The following GOLGA3 variants were observed in gnomAD, a reference collection of about 807,000 sequenced individuals.
The protein encoded by GOLGA3 is golgin A3.
In GOLGA3, 75 loss-of-function variants were observed where a neutral mutation model predicts 169.4. That is an observed-to-expected ratio of 0.44 (90% CI 0.37 to 0.54). GOLGA3 has a LOEUF of 0.54. Ranked by LOEUF, GOLGA3 falls within the 20% of genes least tolerant of loss-of-function variation. The pLI is 0.00. For missense variants in GOLGA3, 1,899 were observed against 1,930.0 expected (o/e 0.98, Z 0.30); for synonymous variants, 824 against 822.4 (o/e 1.00, Z -0.03).
chr12:132,828,437 C>G (rs1354058799), intron 1 of GOLGA3: 3 of 152,366 alleles, frequency 2.0e-5, no homozygotes, highest in Non-Finnish European at 4.4e-5. Flanking sequence ...CGACTTCCCA[C>G]GAACCACCCG....
Position 132,775,237 on chromosome 12 carries a change from G to T in GOLGA3, c.4047C>A (p.Leu1349=). The change falls in exon 22 of 24, where the codon CTC becomes CTA. Residue 1349 remains leucine, a synonymous_variant. Transcript: ENST00000450791. The part of the protein sequence containing the change: ...LSMTQKDKFM[L]QAKVSELKNN... The stretch of plus-strand genomic sequence containing the variant: ...TCTTCAGCTCCGACACTTTTGCCTG[G>T]AGCATAAATTTATCCTTCTGGGTCA... The T allele has an allele frequency of 1.2e-6, 2 of 1,614,006 alleles. No individual in the cohort carries two copies. Among genetic ancestry groups the T allele is most frequent in the Non-Finnish European group, 1.7e-6 (2 of 1,179,834 alleles).
At chr12:132,784,876 ACT>A in intron 15 of GOLGA3, among the ~76,000 whole-genome samples, 1 of 151,386 alleles carries the variant, frequency 6.6e-6, no homozygotes, top group East Asian at 2.0e-4. Flanking sequence ...GCACACAAAC[ACT>A]CCACACGCTG....
intron 23 of GOLGA3, among the ~76,000 whole-genome samples, chr12:132,773,534 T>G (rs1410295136): frequency 3.3e-5 from 5 of 152,220 alleles, no homozygotes; most frequent in African/African-American, 9.6e-5. Context: ...CACTGAGGCC[T>G]GGCACACACG....
At chr12:132,807,420 TAG>T (rs1356851898) in intron 5 of GOLGA3, 132 bp from the exon 6 acceptor site, 3 of 541,150 alleles carry the variant, frequency 5.5e-6, no homozygotes, top group Non-Finnish European at 9.8e-6. Flanking sequence ...GAGATTTAAG[TAG>T]AGAGCTGAGG....
intron 1 of GOLGA3, chr12:132,825,557 T>C: frequency 3.3e-6 from 2 of 608,888 alleles, no homozygotes; most frequent in African/African-American, 1.9e-5. Context: ...GATTAAGTAT[T>C]TGAATCCTGG....
intron 11 of GOLGA3, among the ~76,000 whole-genome samples, chr12:132,795,604 T>C (rs1327598205): frequency 6.6e-6 from 1 of 152,030 alleles, no homozygotes; most frequent in Non-Finnish European, 1.5e-5. Context: ...CTACTACAAA[T>C]ACAAAAATTA....
chr12:132,799,463 C>A lies in GOLGA3; in HGVS notation c.1801-986G>T, dbSNP rs116873997. Among the ~76,000 whole-genome samples the A allele has an allele frequency of 1.3e-4, 20 of 152,278 alleles. 1 individual carries two copies. In the East Asian group the frequency reaches 3.9e-3, roughly 29 times the overall value. On this transcript the variant is annotated intron_variant, in intron 8 of 23. Transcript: ENST00000450791. ...AACCTGCTTAGGCAACATAGCGAGACCCTGTCCTTACAGAAAACTTTTAAA... is the reference window on the plus strand; with the variant it reads ...AACCTGCTTAGGCAACATAGCGAGAACCTGTCCTTACAGAAAACTTTTAAA...
chr12:132,801,580 G>T (rs936767892), intron 8 of GOLGA3, among the ~76,000 whole-genome samples, 187 bp downstream of exon 8: 9 of 149,072 alleles, frequency 6.0e-5, no homozygotes, highest in East Asian at 3.9e-4. Context: ...CAGAAGGTTG[G>T]GGGGGGGCCC....
At chr12:132,795,196 A>G (rs1948771512) in intron 11 of GOLGA3, among the ~76,000 whole-genome samples, 1 of 151,914 alleles carries the variant, frequency 6.6e-6, no homozygotes, top group Non-Finnish European at 1.5e-5. Context: ...AAAAAAAAAA[A>G]AAAAGAAAAA....
chr12:132,808,191 G>C lies in GOLGA3; in HGVS notation c.878C>G (p.Thr293Ser). The change falls in exon 5 of 24, where the codon ACT (threonine) becomes AGT (serine). Residue 293 changes from threonine to serine, a missense_variant. Coordinates refer to ENST00000450791, the MANE Select transcript of GOLGA3 (RefSeq NM_001389683.1). ...VVSEISLSPD[T>S]DDRLENTSLA... ...GGAGGTGTTCTCCAGACGGTCGTCA[G>C]TGTCGGGGGACAGGCTGATCTCAGA... 6.2e-7 allele frequency: 1 copy of C among 1,613,530 alleles called. No individual in the cohort carries two copies. The highest frequency in any genetic ancestry group is 8.5e-7 in the Non-Finnish European group (1 of 1,179,522).
At position 132,774,162 on chromosome 12, in the gene GOLGA3, C is replaced by A. The variant is rs1257470399; in HGVS notation, c.4302G>T (p.Gln1434His). The change falls in exon 23 of 24, where the codon CAG (glutamine) becomes CAT (histidine). Residue 1434 changes from glutamine to histidine, a missense_variant. Physicochemically the swap from Gln to His is conservative, Grantham distance 24 (BLOSUM62 0). Coordinates refer to ENST00000450791, the MANE Select transcript of GOLGA3 (RefSeq NM_001389683.1). Reference protein sequence around the residue: ...PLKNLNSCLQQLKQEMDSLQR... With the variant: ...PLKNLNSCLQHLKQEMDSLQR... ...AGCACGGAATACGGTCGTACTTGAG[C>A]TGCTGGAGGCAGCTGTTCAGGTTCT... The A allele has an allele frequency of 6.3e-7, 1 of 1,594,352 alleles. No homozygotes were observed. Among genetic ancestry groups the A allele is most frequent in the Non-Finnish European group, 8.5e-7 (1 of 1,169,718 alleles).
chr12:132,828,972 C>T (rs554819133), upstream of GOLGA3: 1 of 152,458 alleles, frequency 6.6e-6, no homozygotes, highest in Admixed American at 6.5e-5. Flanking sequence ...CAAGTGGCCA[C>T]CCTAGGGCCG....
chr12:132,807,758 C>CA, intron 5 of GOLGA3, 133 bp downstream of exon 5: 2 of 494,332 alleles, frequency 4.0e-6, no homozygotes, highest in East Asian at 3.8e-5. Context: ...CTGCCCGTCT[C>CA]TGCCCACCCC....
rs1391935673 is a variant in GOLGA3, at chr12:132,795,916, C to T, written c.2405G>A (p.Gly802Asp). The T allele has an allele frequency of 6.2e-7, 1 of 1,614,058 alleles. No homozygotes were observed. The highest frequency in any genetic ancestry group is 1.3e-5 in the African/African-American group (1 of 74,940). Residue 802 changes from glycine (G) to aspartate (D), a missense_variant, in exon 11 of 24, where the codon GGT becomes GAT. Gly to Asp is a moderately conservative substitution (Grantham distance 94). Coordinates refer to ENST00000450791, the MANE Select transcript of GOLGA3 (RefSeq NM_001389683.1). ...LDRGARRLEE[G>D]TEETSETLEK... Reference sequence around the variant, plus strand: ...TAAAGTTTCCGACGTTTCCTCGGTACCTTCTTCCAAGCGTCTTGCTCCTCT... The same window carrying T: ...TAAAGTTTCCGACGTTTCCTCGGTATCTTCTTCCAAGCGTCTTGCTCCTCT...
Position 132,804,845 on chromosome 12 carries a change from T to C in GOLGA3, c.1468A>G (p.Met490Val), listed in dbSNP as rs755389194. 5.6e-6 allele frequency: 9 copies of C among 1,614,052 alleles called. No individual in the cohort carries two copies. The highest frequency in any genetic ancestry group is 7.6e-6 in the Non-Finnish European group (9 of 1,180,022). The change falls in exon 7 of 24, where the codon ATG (methionine) becomes GTG (valine). Residue 490 changes from methionine (M) to valine (V), a missense_variant. Coordinates refer to ENST00000450791, the MANE Select transcript of GOLGA3 (RefSeq NM_001389683.1). The surrounding 1 kb of genome is among the most constrained non-coding windows in gnomAD (Gnocchi z 4.1). Reference protein sequence around the residue: ...LERAMTDLQNMLEAKNASLAS... With the variant: ...LERAMTDLQNVLEAKNASLAS... ...AGGCTGGCATTTTTTGCCTCCAGCA[T>C]GTTCTGCAGGTCAGTCATGGCTCGC...
intron 4 of GOLGA3, among the ~76,000 whole-genome samples, chr12:132,809,937 TG>T (rs1447760461): frequency 6.6e-6 from 1 of 152,162 alleles, no homozygotes; most frequent in Non-Finnish European, 1.5e-5. Flanking sequence ...TTTATTTTTT[TG>T]GATAAACATA....
intron 5 of GOLGA3, 131 bp downstream of exon 5, chr12:132,807,760 G>C: frequency 1.1e-4 from 29 of 253,642 alleles, no homozygotes; most frequent in South Asian, 3.9e-4. Flanking sequence ...GCCCGTCTCT[G>C]CCCACCCCGC....
chr12:132,774,756 G>A (rs1195053398), intron 22 of GOLGA3: 4 of 429,776 alleles, frequency 9.3e-6, no homozygotes, highest in Admixed American at 4.0e-5. Context: ...CAATCCGAGC[G>A]CTGCCCTCCC....
intron 15 of GOLGA3, among the ~76,000 whole-genome samples, chr12:132,784,573 G>A (rs888315044): frequency 2.6e-5 from 4 of 152,324 alleles, no homozygotes; most frequent in African/African-American, 9.6e-5. Flanking sequence ...CTGACCTGCA[G>A]ATAATGGCTA....
Sources: allele counts gnomAD v4.1 joint callset (sites outside exome capture counted in the v4.1 genomes callset), GRCh38; gene constraint gnomAD v4.1.1; non-coding constraint Gnocchi (gnomAD v3.1); transcripts MANE v1.5; gene names NCBI Gene and HGNC (gene_info 2026-07-23, HGNC 2026-07-21).